ACOT12: variants seen among roughly 807,000 people sequenced by gnomAD.
ACOT12 encodes the protein acyl-CoA thioesterase 12, also known as acetyl-coenzyme A thioesterase.
In ACOT12, 51 loss-of-function variants were observed where a neutral mutation model predicts 67.7. The observed-to-expected ratio is 0.75, with a 90% confidence interval of 0.60 to 0.95. The LOEUF (loss-of-function observed/expected upper bound fraction) is 0.95. Among genes scored for constraint, ACOT12 ranks in the 40% least tolerant of loss-of-function variants. The pLI, the probability that ACOT12 is intolerant of heterozygous loss-of-function variation, is 0.00. For missense variants in ACOT12, 734 were observed against 708.1 expected (o/e 1.04, Z -0.41); for synonymous variants, 251 against 244.6 (o/e 1.03, Z -0.24).
In ACOT12 at chr5:81,359,945, CT is replaced by C. The variant is rs1287290507; in HGVS notation, c.453del (p.Asp152IlefsTer6). The C allele has an allele frequency of 6.2e-7, 1 of 1,612,568 alleles. No individual in the cohort carries two copies. Among genetic ancestry groups the C allele is most frequent in the South Asian group, 1.1e-5 (1 of 90,636 alleles). On this transcript the variant is annotated frameshift_variant, in exon 5 of 15. Transcript: ENST00000307624. LOFTEE classifies it high-confidence loss of function. Reference sequence around the variant, plus strand: ...TCCTTCATTAAATTGTTAAAGGTATCTTCATGTTGTAATCGAACTTTCCTTC... The same window carrying C: ...TCCTTCATTAAATTGTTAAAGGTATCTCATGTTGTAATCGAACTTTCCTTC... ...AERRKVRLQH[E>X]DTFNNLMKES...
intron 11 of ACOT12, among the ~76,000 whole-genome samples, chr5:81,338,405 G>A (rs534882113): frequency 1.1e-4 from 16 of 152,180 alleles, no homozygotes; most frequent in South Asian, 4.2e-4. Flanking sequence ...CATGAGATCT[G>A]GTTGTTTGAA....
chr5:81,386,783 A>C (rs556641889), intron 1 of ACOT12, among the ~76,000 whole-genome samples: 5 of 152,136 alleles, frequency 3.3e-5, no homozygotes, highest in Non-Finnish European at 7.3e-5. Context: ...AGTCCTAGGT[A>C]AGAAGACATG....
At chr5:81,367,507 T>A (rs949846199) in intron 3 of ACOT12, among the ~76,000 whole-genome samples, 1 of 152,100 alleles carries the variant, frequency 6.6e-6, no homozygotes, top group Non-Finnish European at 1.5e-5. Context: ...TCGAAGGTAG[T>A]CTCAGATAAG....
Position 81,360,004 on chromosome 5 carries a change from T to G in ACOT12, c.395A>C (p.Gln132Pro). Residue 132 changes from glutamine to proline, a missense_variant, in exon 5 of 15, where the codon CAA (glutamine) becomes CCA (proline). Transcript: ENST00000307624. ...AGCCAGATTATGTTCCACATGATCT[T>G]GTTCAGTTAGAAGTGTGACTGGTTT... ...HLKPVTLLTE[Q>P]DHVEHNLAAE... 1.2e-6 allele frequency: 2 copies of G among 1,611,878 alleles called. No homozygotes were observed. Among genetic ancestry groups the G allele is most frequent in the Non-Finnish European group, 1.7e-6 (2 of 1,179,418 alleles).
At chr5:81,308,703 C>A in the ACOT12 span, 2 of 1,606,696 alleles carry the variant, frequency 1.2e-6, no homozygotes, top group Non-Finnish European at 1.7e-6. Flanking sequence ...AAAGTAGACC[C>A]GGCTCTTGGT....
At chr5:81,332,755 A>G (rs1475016733) in intron 12 of ACOT12, 150 bp from the exon 13 acceptor site, 56 of 929,486 alleles carry the variant, frequency 6.0e-5, no homozygotes, top group Non-Finnish European at 8.9e-5. Context: ...ATTATTGCTC[A>G]AGTCTGCCTT....
At chr5:81,319,181 T>C in the ACOT12 span, among the ~76,000 whole-genome samples, 1 of 152,362 alleles carries the variant, frequency 6.6e-6, no homozygotes, top group East Asian at 1.9e-4. Context: ...AAAGCTTATT[T>C]GGATAATTTT....
intron 1 of ACOT12, among the ~76,000 whole-genome samples, chr5:81,387,644 C>T (rs915751464): frequency 3.3e-5 from 5 of 151,790 alleles, no homozygotes; most frequent in East Asian, 1.9e-4. Context: ...GTGATCTTGC[C>T]TCAGCCTCCC....
intron 3 of ACOT12, among the ~76,000 whole-genome samples, chr5:81,368,992 A>G (rs1190809227): frequency 6.6e-6 from 1 of 152,154 alleles, no homozygotes; most frequent in Non-Finnish European, 1.5e-5. Flanking sequence ...AAGGGGCATA[A>G]AGGGGCTTCG....
chr5:81,359,744 G>A, intron 5 of ACOT12, 159 bp downstream of exon 5: 1 of 689,912 alleles, frequency 1.4e-6, no homozygotes, highest in Non-Finnish European at 2.2e-6. Context: ...ATTCTCAATG[G>A]CCAGGTTTCT....
the ACOT12 span, among the ~76,000 whole-genome samples, chr5:81,316,434 A>G: frequency 6.6e-6 from 1 of 152,174 alleles, no homozygotes; most frequent in Non-Finnish European, 1.5e-5. Context: ...GGCTTCCTTC[A>G]GTTAACATGA....
At chr5:81,347,513 T>A (rs888767719) in intron 6 of ACOT12, among the ~76,000 whole-genome samples, 2 of 152,252 alleles carry the variant, frequency 1.3e-5, no homozygotes, top group African/African-American at 4.8e-5. Context: ...ATAAGATCAA[T>A]ATTCATAATT....
the ACOT12 span, among the ~76,000 whole-genome samples, chr5:81,323,938 G>GTATGTA: frequency 4.8e-5 from 7 of 146,100 alleles, no homozygotes; most frequent in African/African-American, 1.8e-4. Context: ...ATACATATAT[G>GTATGTA]TGTATATATA....
Position 81,359,909 on chromosome 5 carries a change from A to T in ACOT12, c.490T>A (p.Phe164Ile), listed in dbSNP as rs764808251. 1.2e-6 allele frequency: 2 copies of T among 1,604,576 alleles called. No homozygotes were observed. Among genetic ancestry groups the T allele is most frequent in the South Asian group, 2.3e-5 (2 of 88,034 alleles). The change falls in exon 5 of 15, where the codon TTT becomes ATT. Residue 164 changes from phenylalanine (F) to isoleucine (I), a missense_variant. Transcript: ENST00000307624. Reference protein sequence around the residue: ...FNNLMKESSKFDDLIFDEEEG... With the variant: ...FNNLMKESSKIDDLIFDEEEG... ...TATAAGTGGATTTACTGACCATCAA[A>T]TTTGCTACTTTCCTTCATTAAATTG...
intron 8 of ACOT12, 136 bp downstream of exon 8, chr5:81,344,755 A>C: frequency 9.0e-7 from 1 of 1,116,532 alleles, no homozygotes; most frequent in Non-Finnish European, 1.3e-6. Context: ...AAAAAAGCCC[A>C]CTTCACTTTG....
chr5:81,368,925 C>A (rs1374204066), intron 3 of ACOT12, among the ~76,000 whole-genome samples: 2 of 151,450 alleles, frequency 1.3e-5, no homozygotes, highest in Non-Finnish European at 2.9e-5. Context: ...AAAAAGGGTA[C>A]TGACCTGAAG....
the ACOT12 span, chr5:81,313,135 TAAGC>T: frequency 2.6e-5 from 4 of 152,306 alleles, no homozygotes; most frequent in Non-Finnish European, 5.9e-5. Flanking sequence ...TGTTTTCTAT[TAAGC>T]AATAGAAATA....
At chr5:81,361,481 G>T (rs115230502) in intron 4 of ACOT12, among the ~76,000 whole-genome samples, 1 of 152,024 alleles carries the variant, frequency 6.6e-6, no homozygotes, top group East Asian at 1.9e-4. Context: ...GATTATAAGT[G>T]TGAGCCACTG....
downstream of ACOT12, among the ~76,000 whole-genome samples, chr5:81,325,619 C>A (rs188618398): frequency 2.5e-3 from 379 of 152,180 alleles, 3 homozygotes; most frequent in East Asian, 4.1e-3. Flanking sequence ...TTTTTCTAAT[C>A]TATTTTCAGT....
Sources: gnomAD v4.1 joint callset for allele counts (sites outside exome capture counted in the v4.1 genomes callset) on GRCh38, gnomAD v4.1.1 for gene constraint, MANE v1.5 for transcripts, NCBI Gene and HGNC (gene_info 2026-07-23, HGNC 2026-07-21) for gene names.